HIVEP1: variants seen among roughly 807,000 people sequenced by gnomAD.
HIVEP1 encodes zinc finger protein 40.
A neutral mutation model predicts 180.0 loss-of-function variants in HIVEP1; 36 were observed. The observed-to-expected ratio is 0.20, with a 90% CI of 0.15 to 0.26. HIVEP1 has a LOEUF of 0.26. Among genes scored for constraint, HIVEP1 ranks in the 10% least tolerant of loss-of-function variants. The probability of loss-of-function intolerance (pLI) is 1.00; values close to 1 mark genes in which losing one functional copy is unlikely to be tolerated. For missense variants in HIVEP1, 3,143 were observed against 3,268.7 expected (o/e 0.96, Z 0.94); for synonymous variants, 1,239 against 1,239.0 (o/e 1.00, Z 0.00).
rs549710277 is a variant in HIVEP1, at chr6:12,124,939, A to C, written c.5144A>C (p.Gln1715Pro). The change falls in exon 4 of 9, where the codon CAA (glutamine) becomes CCA (proline). Residue 1715 changes from glutamine (Q) to proline (P), a missense_variant. Around this residue, in one of 12 missense-constraint regions of HIVEP1, gnomAD observed 1,357 missense variants for 1,260.5 expected, o/e 1.08. Coordinates refer to ENST00000379388, the MANE Select transcript of HIVEP1 (RefSeq NM_002114.4). ...LCENVFSEMS[Q>P]NSSLSESLPI... ...GAAAATGTTTTTTCAGAGATGAGCC[A>C]AAATTCTTCTCTATCAGAATCCTTG... 67 of 1,614,054 alleles carry C rather than the reference A, an allele frequency of 4.2e-5. No homozygotes were observed. In the East Asian group the frequency reaches 6.7e-4, roughly 16 times the overall value.
At chr6:12,192,320 A>T in the HIVEP1 span, among the ~76,000 whole-genome samples, 1 of 152,184 alleles carries the variant, frequency 6.6e-6, no homozygotes, top group Non-Finnish European at 1.5e-5. Context: ...TGGATACACA[A>T]TATTTGTACA....
At chr6:12,111,342 A>G (rs763578704) in intron 3 of HIVEP1, among the ~76,000 whole-genome samples, 7 of 152,256 alleles carry the variant, frequency 4.6e-5, no homozygotes, top group Non-Finnish European at 8.8e-5. Flanking sequence ...GTATACCTGT[A>G]TTCATTTTCT....
chr6:12,158,661 C>A (rs1431887981), intron 7 of HIVEP1, among the ~76,000 whole-genome samples: 2 of 152,120 alleles, frequency 1.3e-5, no homozygotes, highest in Admixed American at 6.5e-5. Context: ...CCCTCTCCCC[C>A]AAGTGTTGTG....
the HIVEP1 span, among the ~76,000 whole-genome samples, chr6:12,181,143 G>A: frequency 6.6e-6 from 1 of 151,984 alleles, no homozygotes; most frequent in African/African-American, 2.4e-5. Context: ...GGTGGATCAC[G>A]AGGTTAGGAG....
At chr6:12,025,324 G>C (rs1373391337) in intron 2 of HIVEP1, among the ~76,000 whole-genome samples, 1 of 151,850 alleles carries the variant, frequency 6.6e-6, no homozygotes, top group African/African-American at 2.4e-5. Context: ...TTTTTCTTAA[G>C]CCTTTAATTG....
In HIVEP1 at chr6:12,164,796, T is replaced by C. The variant is rs1284465332; in HGVS notation, c.*335T>C. ...TGTCAAATAAATCAAATGATTAAAT[T>C]ATATGTTCCACTGTTGAATATAAAT... On this transcript the variant is annotated 3_prime_UTR_variant, in exon 9 of 9. Coordinates refer to ENST00000379388, the MANE Select transcript of HIVEP1 (RefSeq NM_002114.4). 2.2e-5 allele frequency: 4 copies of C among 180,642 alleles called. No homozygotes were observed. Among genetic ancestry groups the C allele is most frequent in the Non-Finnish European group, 4.6e-5 (4 of 86,202 alleles). The allele number at this position is 180,642 out of a possible 1,614,324, so 11.2% of individuals were successfully genotyped here. A position where few individuals can be genotyped will look rare whatever the true frequency, so the allele number is the denominator to read the frequency against.
chr6:12,144,855 A>T (rs569392971), intron 7 of HIVEP1, among the ~76,000 whole-genome samples: 17 of 152,358 alleles, frequency 1.1e-4, no homozygotes, highest in Admixed American at 4.6e-4. Context: ...GGCGATCATT[A>T]AAAAGTTGGA....
At chr6:12,178,461 A>C in the HIVEP1 span, among the ~76,000 whole-genome samples, 5 of 152,228 alleles carry the variant, frequency 3.3e-5, no homozygotes, top group African/African-American at 1.2e-4. Context: ...TATGCAATTC[A>C]TATTAGAAAA....
chr6:12,184,066 T>C, the HIVEP1 span, among the ~76,000 whole-genome samples: 3 of 134,416 alleles, frequency 2.2e-5, no homozygotes, highest in Non-Finnish European at 3.3e-5. Flanking sequence ...GACAGACTGA[T>C]TTGGGGGGAA....
At chr6:12,173,337 A>G in the HIVEP1 span, among the ~76,000 whole-genome samples, 2 of 152,188 alleles carry the variant, frequency 1.3e-5, no homozygotes, top group African/African-American at 4.8e-5. Flanking sequence ...ATTACATTTT[A>G]TAAAGAAGAT....
intron 7 of HIVEP1, among the ~76,000 whole-genome samples, chr6:12,145,798 A>G (rs1033257487): frequency 3.9e-5 from 6 of 152,178 alleles, no homozygotes; most frequent in African/African-American, 1.4e-4. Context: ...AAATTATATA[A>G]GGGCAAAGAT....
intron 4 of HIVEP1, among the ~76,000 whole-genome samples, chr6:12,128,826 CTTAA>C (rs1167969899): frequency 2.0e-5 from 3 of 152,158 alleles, no homozygotes; most frequent in East Asian, 1.9e-4. Flanking sequence ...TTTCCAGAGA[CTTAA>C]TTGTTACCAA....
intron 4 of HIVEP1, among the ~76,000 whole-genome samples, chr6:12,127,004 CCCA>C (rs1268322829): frequency 6.6e-6 from 1 of 151,862 alleles, no homozygotes. Context: ...ATTACAGGTG[CCCA>C]CCACCACGCC....
rs367816475 is a variant in HIVEP1 at position 12,066,896 on chromosome 6, A to T, written c.41-22288A>T. Reference sequence around the variant, plus strand: ...TGTGTGTGTGTGTATATATATATACACACACATACACTTTATTATATATAC... The same window carrying T: ...TGTGTGTGTGTGTATATATATATACTCACACATACACTTTATTATATATAC... On this transcript the variant is annotated intron_variant, in intron 2 of 8. Coordinates refer to ENST00000379388, the MANE Select transcript of HIVEP1 (RefSeq NM_002114.4). Among the ~76,000 whole-genome samples, 4 of 152,044 alleles carry T rather than the reference A, an allele frequency of 2.6e-5. No homozygotes were observed. In the East Asian group the frequency reaches 7.7e-4, roughly 29 times the overall value.
At chr6:12,204,905 G>A in the HIVEP1 span, among the ~76,000 whole-genome samples, 2,165 of 152,286 alleles carry the variant, frequency 0.014, 59 homozygotes, top group African/African-American at 0.05. Flanking sequence ...ACATAAAAAT[G>A]TAATGACACG....
At position 12,129,802 on chromosome 6, in the gene HIVEP1, A is replaced by G. The variant is rs760899157; in HGVS notation, c.6119A>G (p.Asn2040Ser). Reference sequence around the variant, plus strand: ...AAGTCCACAGTAGTTGAATTCAGCAATAAAGATGCCTCTGAAATTAACAGT... The same window carrying G: ...AAGTCCACAGTAGTTGAATTCAGCAGTAAAGATGCCTCTGAAATTAACAGT... ...NQKSTVVEFS[N>S]KDASEINSEQ... The change falls in exon 5 of 9, where the codon AAT becomes AGT. Residue 2040 changes from asparagine to serine, a missense_variant. Transcript: ENST00000379388. 4 of 1,598,848 alleles carry G rather than the reference A, an allele frequency of 2.5e-6. No individual in the cohort carries two copies. The African/African-American group carries it at 5.4e-5, about 21-fold the overall frequency.
chr6:12,009,150 C>G (rs1354068174), upstream of HIVEP1, among the ~76,000 whole-genome samples: 2 of 145,964 alleles, frequency 1.4e-5, no homozygotes, highest in African/African-American at 4.9e-5. Flanking sequence ...GCGGCGCTGC[C>G]GGGCCGCGCG....
chr6:12,108,574 C>T (rs967068580), intron 3 of HIVEP1, among the ~76,000 whole-genome samples: 2 of 152,238 alleles, frequency 1.3e-5, no homozygotes, highest in African/African-American at 4.8e-5. Flanking sequence ...TCGAGCGCAG[C>T]GCTGGTGGGC....
intron 3 of HIVEP1, among the ~76,000 whole-genome samples, chr6:12,113,963 T>A (rs1031193803): frequency 6.6e-6 from 1 of 152,252 alleles, no homozygotes; most frequent in Non-Finnish European, 1.5e-5. Context: ...AATTTTTAAA[T>A]TTGTTTTATT....
Sources: gnomAD v4.1 joint callset for allele counts (sites outside exome capture counted in the v4.1 genomes callset) on GRCh38, gnomAD v4.1.1 for gene constraint, gnomAD v4.1.1 regional missense constraint, MANE v1.5 for transcripts, NCBI Gene and HGNC (gene_info 2026-07-23, HGNC 2026-07-21) for gene names.